Variants in DSCAML1 observed in about 807,000 individuals in gnomAD.
DSCAML1 encodes the protein cell adhesion molecule DSCAML1.
Under a neutral mutation model 200.5 loss-of-function variants are expected in DSCAML1, and 38 were observed. The observed-to-expected ratio is 0.19, with a 90% CI of 0.15 to 0.25. DSCAML1 has a LOEUF of 0.25. Among genes scored for constraint, DSCAML1 ranks in the 10% least tolerant of loss-of-function variants. The pLI is 1.00. For missense variants in DSCAML1, 2,223 were observed against 2,858.8 expected, an observed-to-expected ratio of 0.78 and a Z score of 5.07; for synonymous variants, 1,215 against 1,165.0, an observed-to-expected ratio of 1.04 and a Z score of -0.87.
At chr11:117,770,919 G>T (rs2055027128) in intron 3 of DSCAML1, among the ~76,000 whole-genome samples, 2 of 152,300 alleles carry the variant, frequency 1.3e-5, no homozygotes, top group South Asian at 2.1e-4. Context: ...AAATACAAAG[G>T]TGCCCCATGA....
Position 117,433,498 on chromosome 11 carries a change from G to A in DSCAML1, c.4877-27C>T, listed in dbSNP as rs1354975042. ...TGCAAAACAGTAGAGGGAGAGGAGGGCTGGGTGAGAATGAAGTTTGAACAG... is the reference window on the plus strand; with the variant it reads ...TGCAAAACAGTAGAGGGAGAGGAGGACTGGGTGAGAATGAAGTTTGAACAG... On this transcript the variant is annotated intron_variant, in intron 27 of 32. Coordinates refer to ENST00000651296, the MANE Select transcript of DSCAML1 (RefSeq NM_020693.4). 2.5e-6 allele frequency: 4 copies of A among 1,609,788 alleles called. No individual in the cohort carries two copies. In the African/African-American group the frequency reaches 5.3e-5, roughly 22 times the overall value.
chr11:117,548,508 CA>C (rs1374458513), intron 3 of DSCAML1, among the ~76,000 whole-genome samples: 1 of 152,190 alleles, frequency 6.6e-6, no homozygotes, highest in Admixed American at 6.5e-5. Context: ...CCTTTCCAGA[CA>C]GTTCACGGCT....
chr11:117,473,942 T>C (rs1011736577), intron 14 of DSCAML1, among the ~76,000 whole-genome samples: 6 of 152,214 alleles, frequency 3.9e-5, no homozygotes, highest in Admixed American at 6.5e-5. Context: ...TGTGGCATCC[T>C]GGGAGCTGGC....
At chr11:117,546,794 T>C (rs962650661) in intron 3 of DSCAML1, among the ~76,000 whole-genome samples, 1 of 152,072 alleles carries the variant, frequency 6.6e-6, no homozygotes, top group African/African-American at 2.4e-5. Flanking sequence ...AGCTCTATCT[T>C]TCTCTACCCC....
intron 3 of DSCAML1, among the ~76,000 whole-genome samples, chr11:117,672,740 C>G (rs568187928): frequency 1.2e-4 from 19 of 152,222 alleles, no homozygotes; most frequent in Non-Finnish European, 2.2e-4. Flanking sequence ...AGTGCTTAAA[C>G]TGGGTATCAC....
At position 117,439,305 on chromosome 11, in the gene DSCAML1, C is replaced by A; in HGVS notation, c.4105G>T (p.Gly1369Cys). The change falls in exon 23 of 33, where the codon GGT (glycine) becomes TGT (cysteine). Residue 1369 changes from glycine (G) to cysteine (C), a missense_variant. Around this residue, in one of 7 missense-constraint regions of DSCAML1, gnomAD observed 614 missense variants for 739.1 expected, o/e 0.83. Transcript: ENST00000651296. Reference sequence around the variant, plus strand: ...TTGACGATGATGGTGTCAAAGCCACCAGTGTTGGTGGCCGTGCACGTGTAG... The same window carrying A: ...TTGACGATGATGGTGTCAAAGCCACAAGTGTTGGTGGCCGTGCACGTGTAG... ...GYYTCTATNT[G>C]GFDTIIVNLL... The A allele has an allele frequency of 1.2e-6, 2 of 1,614,096 alleles. No homozygotes were observed. The highest frequency in any genetic ancestry group is 1.7e-6 in the Non-Finnish European group (2 of 1,180,002).
intron 3 of DSCAML1, among the ~76,000 whole-genome samples, chr11:117,670,312 C>T (rs1052678522): frequency 2.0e-5 from 3 of 152,078 alleles, no homozygotes; most frequent in Non-Finnish European, 2.9e-5. Flanking sequence ...CCCCCCAGAC[C>T]GACTCCAAGC....
intron 3 of DSCAML1, among the ~76,000 whole-genome samples, chr11:117,679,200 A>G (rs2053269468): frequency 6.6e-6 from 1 of 152,226 alleles, no homozygotes; most frequent in South Asian, 2.1e-4. Flanking sequence ...AAGTGGTCTT[A>G]GATCCCCTGG....
chr11:117,439,121 C>A, intron 23 of DSCAML1, 138 bp from the exon 24 acceptor site: 1 of 1,360,736 alleles, frequency 7.3e-7, no homozygotes, highest in East Asian at 2.5e-5. Flanking sequence ...CCTGCCTCCC[C>A]TTCCATGTGC....
chr11:117,479,657 GT>G (rs1333083228), intron 14 of DSCAML1, among the ~76,000 whole-genome samples: 5 of 150,938 alleles, frequency 3.3e-5, no homozygotes, highest in East Asian at 2.0e-4. Flanking sequence ...GGCTTTTTTT[GT>G]TTTTTTTTGA....
intron 3 of DSCAML1, among the ~76,000 whole-genome samples, chr11:117,715,088 A>C (rs1385839908): frequency 6.8e-6 from 1 of 146,406 alleles, no homozygotes; most frequent in Non-Finnish European, 1.5e-5. Context: ...AGTTTATACA[A>C]TTTCGTCAGT....
At chr11:117,478,597 C>G (rs1565721606) in intron 14 of DSCAML1, among the ~76,000 whole-genome samples, 1 of 152,348 alleles carries the variant, frequency 6.6e-6, no homozygotes, top group Non-Finnish European at 1.5e-5. Context: ...GTTAGCGGCT[C>G]TCAGTGACCT....
intron 3 of DSCAML1, among the ~76,000 whole-genome samples, chr11:117,699,449 G>A (rs958651762): frequency 2.6e-5 from 4 of 152,218 alleles, no homozygotes; most frequent in South Asian, 2.1e-4. Flanking sequence ...GTGTTGCAAG[G>A]AACGGAGAGA....
At position 117,524,787 on chromosome 11, in the gene DSCAML1, G is replaced by T; in HGVS notation, c.937+18C>A. 6.4e-7 allele frequency: 1 copy of T among 1,561,842 alleles called. No individual in the cohort carries two copies. Among genetic ancestry groups the T allele is most frequent in the Non-Finnish European group, 8.7e-7 (1 of 1,152,554 alleles). ...CTCAGAGGTTACTGGGGCTGCAGAA[G>T]GGGCTTCCCCGACTCACCAATGACC... On this transcript the variant is annotated intron_variant, in intron 5 of 32. Coordinates refer to ENST00000651296, the MANE Select transcript of DSCAML1 (RefSeq NM_020693.4).
intron 20 of DSCAML1, 105 bp from the exon 21 acceptor site, chr11:117,444,144 A>G (rs1218938196): frequency 7.6e-7 from 1 of 1,320,882 alleles, no homozygotes; most frequent in Non-Finnish European, 1.0e-6. Flanking sequence ...GCGGGGTCGG[A>G]TGCGAGGCAG....
chr11:117,663,857 CACA>C (rs1310792826), intron 3 of DSCAML1, among the ~76,000 whole-genome samples: 4 of 152,206 alleles, frequency 2.6e-5, no homozygotes, highest in East Asian at 1.9e-4. Flanking sequence ...GCACCACTTA[CACA>C]ACATCTTTCC....
chr11:117,552,660 A>G (rs1161672672), intron 3 of DSCAML1, among the ~76,000 whole-genome samples: 1 of 152,242 alleles, frequency 6.6e-6, no homozygotes, highest in Non-Finnish European at 1.5e-5. Flanking sequence ...GTAATCTGTG[A>G]AACACTGACG....
At chr11:117,782,476 C>T (rs2055282414) in intron 1 of DSCAML1, among the ~76,000 whole-genome samples, 1 of 152,196 alleles carries the variant, frequency 6.6e-6, no homozygotes, top group Admixed American at 6.5e-5. Flanking sequence ...TCGCCATTCT[C>T]CTCTTCATGC....
At chr11:117,564,066 G>C (rs368928361) in intron 3 of DSCAML1, among the ~76,000 whole-genome samples, 1 of 152,284 alleles carries the variant, frequency 6.6e-6, no homozygotes, top group East Asian at 1.9e-4. Context: ...CGAGGTGGAG[G>C]GTTCCCTGCC....
Sources: gnomAD v4.1 joint callset for allele counts (sites outside exome capture counted in the v4.1 genomes callset) on GRCh38, gnomAD v4.1.1 for gene constraint, gnomAD v4.1.1 regional missense constraint, MANE v1.5 for transcripts, NCBI Gene and HGNC (gene_info 2026-07-23, HGNC 2026-07-21) for gene names.